The following RSF1 variants were observed in gnomAD, a reference collection of about 807,000 sequenced individuals.
RSF1 encodes remodeling and spacing factor 1.
A neutral mutation model predicts 145.2 loss-of-function variants in RSF1; 13 were observed. The ratio of observed to expected loss-of-function variants is 0.09; its 90% CI spans 0.06 to 0.14. The LOEUF is 0.14. Ranked by LOEUF, RSF1 falls within the 10% of genes least tolerant of loss-of-function variation. The probability of loss-of-function intolerance (pLI) is 1.00; values close to 1 mark genes in which losing one functional copy is unlikely to be tolerated. For synonymous variants in RSF1, 577 were observed against 592.6 expected (o/e 0.97, Z 0.38); for missense variants, 1,517 against 1,718.2 (o/e 0.88, Z 2.07).
chr11:77,780,777 A>T (rs1948394462), intron 1 of RSF1, among the ~76,000 whole-genome samples: 1 of 149,792 alleles, frequency 6.7e-6, no homozygotes, highest in Non-Finnish European at 1.5e-5. Flanking sequence ...GTGAGCCAAG[A>T]TCATGCCACT....
chr11:77,702,643 T>C (rs566403926), intron 5 of RSF1, 148 bp from the exon 6 acceptor site: 59 of 464,422 alleles, frequency 1.3e-4, no homozygotes, highest in East Asian at 6.1e-4. Context: ...AAAAATAAAA[T>C]CTGACAATGA....
chr11:77,679,264 A>G (rs1318821371), intron 11 of RSF1, among the ~76,000 whole-genome samples: 2 of 152,284 alleles, frequency 1.3e-5, no homozygotes, highest in African/African-American at 4.8e-5. Flanking sequence ...ACGTTGTACA[A>G]AAACTAGAAG....
In RSF1 at chr11:77,798,933, T is replaced by C. The variant is rs574833462; in HGVS notation, c.187+21595A>G. Among the ~76,000 whole-genome samples the C allele has an allele frequency of 8.7e-5, 13 of 149,412 alleles. No individual in the cohort carries two copies. In the East Asian group the frequency reaches 2.4e-3, roughly 27 times the overall value. ...ACCTATGTAATGAAACTGCACGTTC[T>C]GCATATGTACCCCAAAACTTAAAGT... On this transcript the variant is annotated intron_variant, in intron 1 of 15. Transcript: ENST00000308488.
the RSF1 span, among the ~76,000 whole-genome samples, chr11:77,845,313 T>G: frequency 1.3e-5 from 2 of 152,208 alleles, no homozygotes; most frequent in Non-Finnish European, 2.9e-5. Flanking sequence ...TGTCTCAGAC[T>G]GGATAATCTC....
chr11:77,760,560 T>C (rs1948160936), intron 2 of RSF1, among the ~76,000 whole-genome samples: 1 of 152,268 alleles, frequency 6.6e-6, no homozygotes, highest in African/African-American at 2.4e-5. Context: ...TTTTATCTTA[T>C]GTGAATTATA....
chr11:77,804,438 T>C (rs149970682), intron 1 of RSF1, among the ~76,000 whole-genome samples: 12 of 152,320 alleles, frequency 7.9e-5, no homozygotes, highest in Admixed American at 5.9e-4. Context: ...GGTGACATTC[T>C]ACCTTGTAAA....
chr11:77,869,215 A>G, the RSF1 span: 2 of 197,464 alleles, frequency 1.0e-5, no homozygotes, highest in Non-Finnish European at 2.1e-5. Context: ...TTACTGGAAG[A>G]TGGTTGTTCC....
rs546798129 is a variant in RSF1, at chr11:77,813,585, G to C, written c.187+6943C>G. ...GAAGTCAGCACACACCTTTTCCAGG[G>C]ATTTTATGTTGCGGCTCGTTAGAGT... On this transcript the variant is annotated intron_variant, in intron 1 of 15. Transcript: ENST00000308488. 4.1e-5 allele frequency: 27 copies of C among 666,368 alleles called. 1 individual carries two copies. The South Asian group carries it at 4.1e-4, about 10-fold the overall frequency. 41.3% of individuals were successfully genotyped at this position (666,368 alleles called of 1,614,324 possible).
intron 5 of RSF1, among the ~76,000 whole-genome samples, chr11:77,705,164 G>T (rs1377574366): frequency 6.6e-6 from 1 of 152,098 alleles, no homozygotes; most frequent in Non-Finnish European, 1.5e-5. Context: ...GACAGAATAT[G>T]AACCTTTAAG....
At chr11:77,833,726 C>A in the RSF1 span, among the ~76,000 whole-genome samples, 1 of 152,206 alleles carries the variant, frequency 6.6e-6, no homozygotes. Context: ...CAATACCTAA[C>A]ATTAAAATTC....
chr11:77,837,587 C>G, the RSF1 span, among the ~76,000 whole-genome samples: 1 of 151,870 alleles, frequency 6.6e-6, no homozygotes, highest in Admixed American at 6.6e-5. Context: ...AGGTGTGCAT[C>G]ACTACGCCCG....
rs1313439493 is a variant in RSF1 at position 77,663,012 on chromosome 11, T to C, written c.*3905A>G. ...TTTTCTGATACTTATCTGAAGTGTG[T>C]GCGTGTGCACACACACACACACATA... On this transcript the variant is annotated 3_prime_UTR_variant, in exon 16 of 16. Transcript: ENST00000308488. The C allele has an allele frequency of 7.3e-6, 1 of 137,584 alleles. No homozygotes were observed. The highest frequency in any genetic ancestry group is 2.3e-4 in the East Asian group (1 of 4,318). 8.5% of individuals were successfully genotyped at this position (137,584 alleles called of 1,614,324 possible).
intron 1 of RSF1, among the ~76,000 whole-genome samples, chr11:77,788,602 C>T (rs1441189562): frequency 6.6e-6 from 1 of 151,032 alleles, no homozygotes; most frequent in Non-Finnish European, 1.5e-5. Flanking sequence ...AAAAAGGTAT[C>T]CAATATAATG....
At chr11:77,732,053 T>C (rs908044902) in intron 4 of RSF1, among the ~76,000 whole-genome samples, 1 of 152,148 alleles carries the variant, frequency 6.6e-6, no homozygotes, top group Non-Finnish European at 1.5e-5. Context: ...AAGCCGCAGA[T>C]ACTCAAGGCC....
At chr11:77,825,435 G>T (rs1194543677), upstream of RSF1, among the ~76,000 whole-genome samples, 1 of 152,092 alleles carries the variant, frequency 6.6e-6, no homozygotes, top group Non-Finnish European at 1.5e-5. Context: ...AGCTGCGCAC[G>T]GTGGTTCAAA....
intron 1 of RSF1, 120 bp downstream of exon 1, chr11:77,820,408 C>T: frequency 1.8e-6 from 2 of 1,089,384 alleles, no homozygotes; most frequent in Non-Finnish European, 2.6e-6. Flanking sequence ...GGAGTTGCGT[C>T]CCAGGGGGAA....
At position 77,667,503 on chromosome 11, in the gene RSF1, A is replaced by G. The variant is rs768848322; in HGVS notation, c.3752-12T>C. 1.3e-6 allele frequency: 2 copies of G among 1,593,962 alleles called. No individual in the cohort carries two copies. Among genetic ancestry groups the G allele is most frequent in the East Asian group, 4.5e-5 (2 of 44,638 alleles). Reference sequence around the variant, plus strand: ...GGACAAATAGCTCTCTAGAATAAACAGCACATTTAAGCCATTGGCACGGTT... The same window carrying G: ...GGACAAATAGCTCTCTAGAATAAACGGCACATTTAAGCCATTGGCACGGTT... On this transcript the variant is annotated splice_polypyrimidine_tract_variant and intron_variant, in intron 15 of 15. Transcript: ENST00000308488.
intron 15 of RSF1, among the ~76,000 whole-genome samples, chr11:77,667,912 C>T (rs902752294): frequency 6.6e-6 from 1 of 151,964 alleles, no homozygotes; most frequent in African/African-American, 2.4e-5. Flanking sequence ...ACTATGTTGG[C>T]CAAGCTGGTC....
At chr11:77,724,687 A>G (rs567471886) in intron 5 of RSF1, among the ~76,000 whole-genome samples, 1 of 152,242 alleles carries the variant, frequency 6.6e-6, no homozygotes, top group African/African-American at 2.4e-5. Context: ...GTTCCACCTC[A>G]GATCATCAAG....
Sources: allele counts gnomAD v4.1 joint callset (sites outside exome capture counted in the v4.1 genomes callset), GRCh38; gene constraint gnomAD v4.1.1; transcripts MANE v1.5; gene names NCBI Gene and HGNC (gene_info 2026-07-23, HGNC 2026-07-21).